The following CD164L2 variants were observed in gnomAD, a reference collection of about 807,000 sequenced individuals.
The protein encoded by CD164L2 is CD164 molecule like 2.
CD164L2 carries 21 observed loss-of-function variants against 23.9 expected under a neutral mutation model. That is an observed-to-expected ratio of 0.88 (90% CI 0.62 to 1.27). The LOEUF is 1.27. CD164L2 is among the 50% of genes most tolerant of loss of function. The pLI is 0.00. For missense variants in CD164L2, 230 were observed against 224.8 expected (o/e 1.02, Z -0.15); for synonymous variants, 92 against 90.2 (o/e 1.02, Z -0.11).
chr1:27,382,210 C>G (rs936150027), intron 3 of CD164L2, 118 bp downstream of exon 3: 2 of 1,606,642 alleles, frequency 1.2e-6, no homozygotes, highest in African/African-American at 2.7e-5. Context: ...AGAACTGATA[C>G]CGGGCCCAGG....
chr1:27,382,246 G>T, intron 3 of CD164L2, 82 bp downstream of exon 3: 1 of 1,613,808 alleles, frequency 6.2e-7, no homozygotes, highest in Non-Finnish European at 8.5e-7. Flanking sequence ...TCCACCGCCT[G>T]AGAGAGGCTG....
intron 4 of CD164L2, among the ~76,000 whole-genome samples, 163 bp downstream of exon 4, chr1:27,381,617 T>C (rs2016335844): frequency 6.6e-6 from 1 of 152,128 alleles, no homozygotes; most frequent in Non-Finnish European, 1.5e-5. Context: ...GCAGAGCAAC[T>C]CTATGAGAAA....
chr1:27,379,425 C>CCCGG lies in CD164L2; in HGVS notation c.*77_*78insCCGG. On this transcript the variant is annotated 3_prime_UTR_variant, in exon 6 of 6. Transcript: ENST00000374030. Reference sequence around the variant, plus strand: ...CAGAGTTTTTCCCGCCCCCGCCCCCCGCTTACCCACAAGGGTGCCCAGAGG... The same window carrying CCCGG: ...CAGAGTTTTTCCCGCCCCCGCCCCCCCCGGGCTTACCCACAAGGGTGCCCAGAGG... 8.6e-7 allele frequency: 1 copy of CCCGG among 1,161,632 alleles called. No homozygotes were observed. The highest frequency in any genetic ancestry group is 1.2e-6 in the Non-Finnish European group (1 of 807,224). 72.0% of individuals were successfully genotyped at this position (1,161,632 alleles called of 1,614,324 possible).
rs973300723 is a variant in CD164L2 at position 27,383,267 on chromosome 1, G to GCGGTGGCCGGGAT, written c.-41_-29dup. On this transcript the variant is annotated 5_prime_UTR_variant, in exon 1 of 6. Coordinates refer to ENST00000374030, the MANE Select transcript of CD164L2 (RefSeq NM_001330448.1). ...GCTCGCGGGGTGGGGGTGGCCGGGGGCGGTGGCCGGGATCGGTGGACAGCT... is the reference window on the plus strand; with the variant it reads ...GCTCGCGGGGTGGGGGTGGCCGGGGGCGGTGGCCGGGATCGGTGGCCGGGATCGGTGGACAGCT... The GCGGTGGCCGGGAT allele has an allele frequency of 6.9e-6, 10 of 1,441,744 alleles. No homozygotes were observed. The highest frequency in any genetic ancestry group is 1.4e-5 in the African/African-American group (1 of 70,780). The allele number at this position is 1,441,744 out of a possible 1,614,324, so 89.3% of individuals were successfully genotyped here. A position where few individuals can be genotyped will look rare whatever the true frequency, so the allele number is the denominator to read the frequency against.
chr1:27,381,901 C>T (rs562896676), intron 3 of CD164L2, 77 bp from the exon 4 acceptor site: 26 of 1,572,646 alleles, frequency 1.7e-5, no homozygotes, highest in Admixed American at 5.1e-5. Context: ...CCCCACTCAC[C>T]GCTAAACTTC....
Position 27,383,281 on chromosome 1 carries a change from C to T in CD164L2, c.-42G>A, listed in dbSNP as rs868788896. 7.8e-7 allele frequency: 1 copy of T among 1,280,310 alleles called. No individual in the cohort carries two copies. The highest frequency in any genetic ancestry group is 1.1e-6 in the Non-Finnish European group (1 of 916,952). The allele number at this position is 1,280,310 out of a possible 1,614,324, so 79.3% of individuals were successfully genotyped here. A position where few individuals can be genotyped will look rare whatever the true frequency, so the allele number is the denominator to read the frequency against. On this transcript the variant is annotated 5_prime_UTR_variant, in exon 1 of 6. Transcript: ENST00000374030. ...GGTGGCCGGGGGCGGTGGCCGGGAT[C>T]GGTGGACAGCTGCCGGGCGCGTCCC... is the stretch of plus-strand genomic sequence containing the variant.
At chr1:27,382,025 T>G in intron 3 of CD164L2, 5 of 1,443,626 alleles carry the variant, frequency 3.5e-6, no homozygotes, top group Non-Finnish European at 4.6e-6. Flanking sequence ...GGCTCATTAC[T>G]GATGCCACCT....
chr1:27,381,745 C>T (rs1420898823), intron 4 of CD164L2, 35 bp downstream of exon 4: 3 of 1,610,988 alleles, frequency 1.9e-6, no homozygotes, highest in Non-Finnish European at 1.7e-6. Flanking sequence ...TGCACCTCTG[C>T]TCCTCCCACT....
intron 4 of CD164L2, among the ~76,000 whole-genome samples, chr1:27,381,093 A>G (rs1239082230): frequency 6.6e-6 from 1 of 152,164 alleles, no homozygotes; most frequent in Non-Finnish European, 1.5e-5. Flanking sequence ...GGGTGGAAGG[A>G]GTCTGACAAT....
At chr1:27,383,097 G>A in intron 1 of CD164L2, 55 bp downstream of exon 1, 1 of 1,423,636 alleles carries the variant, frequency 7.0e-7, no homozygotes. Context: ...GCTGGCTGAG[G>A]TGCAAGCTCC....
At position 27,379,642 on chromosome 1, in the gene CD164L2, A is replaced by T. The variant is rs77196304; in HGVS notation, c.519-133T>A. The T allele has an allele frequency of 1.5e-3, 2,314 of 1,531,976 alleles. 3 individuals carry two copies. The highest frequency in any genetic ancestry group is 1.8e-3 in the Non-Finnish European group (2,013 of 1,134,658). 94.9% of individuals were successfully genotyped at this position (1,531,976 alleles called of 1,614,324 possible). On this transcript the variant is annotated intron_variant, in intron 5 of 5. Transcript: ENST00000374030. The stretch of plus-strand genomic sequence containing the variant: ...GCTGTGGCGACCCGCCCCACAGCAC[A>T]CACGGCACACAGAGGGCCTCAGGCA...
intron 4 of CD164L2, 111 bp downstream of exon 4, chr1:27,381,669 G>T: frequency 8.4e-7 from 1 of 1,193,902 alleles, no homozygotes; most frequent in Non-Finnish European, 1.2e-6. Flanking sequence ...GACAGGCTCC[G>T]AGGGAGAAGG....
intron 3 of CD164L2, chr1:27,382,119 C>T (rs756070075): frequency 5.3e-6 from 8 of 1,506,756 alleles, no homozygotes; most frequent in Middle Eastern, 1.7e-4. Flanking sequence ...CTAACACTCC[C>T]ATCCCCTCCA....
rs376059290 is a variant in CD164L2 at position 27,380,199 on chromosome 1, C to G, written c.374-4G>C. The G allele has an allele frequency of 1.2e-6, 2 of 1,613,406 alleles. No homozygotes were observed. Among genetic ancestry groups the G allele is most frequent in the Non-Finnish European group, 1.7e-6 (2 of 1,179,670 alleles). On this transcript the variant is annotated splice_region_variant and splice_polypyrimidine_tract_variant and intron_variant, in intron 4 of 5. Coordinates refer to ENST00000374030, the MANE Select transcript of CD164L2 (RefSeq NM_001330448.1). ...GCCTCAGGGACTGGGGGGCTCCCTG[C>G]AGGGGTGAGGCAGGGCAGGGGTCAT...
chr1:27,379,424 CCGCTTA>C lies in CD164L2; in HGVS notation c.*73_*78del. 1 of 1,149,340 alleles carries C rather than the reference CCGCTTA, an allele frequency of 8.7e-7. No homozygotes were observed. The highest frequency in any genetic ancestry group is 1.3e-6 in the Non-Finnish European group (1 of 788,058). The allele number at this position is 1,149,340 out of a possible 1,614,324, so 71.2% of individuals were successfully genotyped here. A position where few individuals can be genotyped will look rare whatever the true frequency, so the allele number is the denominator to read the frequency against. ...CCAGAGTTTTTCCCGCCCCCGCCCCCCGCTTACCCACAAGGGTGCCCAGAGGCCACC... is the reference window on the plus strand; with the variant it reads ...CCAGAGTTTTTCCCGCCCCCGCCCCCCCCACAAGGGTGCCCAGAGGCCACC... On this transcript the variant is annotated 3_prime_UTR_variant, in exon 6 of 6. Transcript: ENST00000374030.
chr1:27,381,033 A>T (rs1454752430), intron 4 of CD164L2, among the ~76,000 whole-genome samples: 1 of 152,234 alleles, frequency 6.6e-6, no homozygotes, highest in Non-Finnish European at 1.5e-5. Flanking sequence ...ATTCTGGGAC[A>T]GTGGAAAGGG....
intron 5 of CD164L2, 55 bp downstream of exon 5, chr1:27,379,995 GC>G (rs1293192510): frequency 6.3e-7 from 1 of 1,596,780 alleles, no homozygotes; most frequent in Non-Finnish European, 8.5e-7. Flanking sequence ...GAACGGTGGG[GC>G]AGGAACCAGG....
In CD164L2 at chr1:27,382,359, G is replaced by A; in HGVS notation, c.297C>T (p.Cys99=). Residue 99 remains cysteine, a synonymous_variant, in exon 3 of 6, where the codon TGC becomes TGT. Coordinates refer to ENST00000374030, the MANE Select transcript of CD164L2 (RefSeq NM_001330448.1). The part of the protein sequence containing the change: ...VAQSEVVKEG[C]SIYNRSEACP... ...ATGCCTCTGAGCGGTTGTAGATGGAGCAACCTTCCTTGACCACCTCAGATT... is the reference window on the plus strand; with the variant it reads ...ATGCCTCTGAGCGGTTGTAGATGGAACAACCTTCCTTGACCACCTCAGATT... 1.2e-6 allele frequency: 2 copies of A among 1,613,584 alleles called. No individual in the cohort carries two copies. Among genetic ancestry groups the A allele is most frequent in the Non-Finnish European group, 1.7e-6 (2 of 1,179,710 alleles).
chr1:27,383,322 G>A lies in CD164L2; in HGVS notation c.-83C>T, dbSNP rs1248019860. On this transcript the variant is annotated 5_prime_UTR_variant, in exon 1 of 6. Coordinates refer to ENST00000374030, the MANE Select transcript of CD164L2 (RefSeq NM_001330448.1). ...GGCGCGTCCCTCCCAGACTGGGCTC[G>A]GCTGAGCGTGTGCGGAGCGAGACCT... 1 of 892,964 alleles carries A rather than the reference G, an allele frequency of 1.1e-6. No individual in the cohort carries two copies. The highest frequency in any genetic ancestry group is 1.7e-6 in the Non-Finnish European group (1 of 590,252). The allele number at this position is 892,964 out of a possible 1,614,324, so 55.3% of individuals were successfully genotyped here.
Sources: allele counts gnomAD v4.1 joint callset (sites outside exome capture counted in the v4.1 genomes callset), GRCh38; gene constraint gnomAD v4.1.1; transcripts MANE v1.5; gene names NCBI Gene and HGNC (gene_info 2026-07-23, HGNC 2026-07-21).